TTC7A: variants seen among roughly 807,000 people sequenced by gnomAD.
TTC7A encodes the protein tetratricopeptide repeat protein 7A.
In TTC7A, 110 loss-of-function variants were observed where a neutral mutation model predicts 103.7. The ratio of observed to expected loss-of-function variants is 1.06; its 90% CI spans 0.91 to 1.24. The LOEUF is 1.24. Among genes scored for constraint, TTC7A ranks in the 50% most tolerant of loss-of-function variants. TTC7A has a pLI of 0.00. For missense variants in TTC7A, 1,340 were observed against 1,116.3 expected (o/e 1.20, Z -2.86); for synonymous variants, 521 against 467.9 (o/e 1.11, Z -1.47).
intron 4 of TTC7A, among the ~76,000 whole-genome samples, chr2:46,976,629 A>G (rs922288418): frequency 5.3e-5 from 8 of 152,208 alleles, no homozygotes; most frequent in African/African-American, 7.2e-5. Flanking sequence ...CTCAACCTCA[A>G]TGCTGTTGAC....
At chr2:47,002,748 C>A (rs544544365) in intron 8 of TTC7A, among the ~76,000 whole-genome samples, 1 of 152,166 alleles carries the variant, frequency 6.6e-6, no homozygotes, top group Non-Finnish European at 1.5e-5. Flanking sequence ...CCATTTCCCC[C>A]TACCCCTCCC....
At chr2:46,994,193 G>A (rs1227798881) in intron 6 of TTC7A, 164 bp from the exon 7 acceptor site, 4 of 760,040 alleles carry the variant, frequency 5.3e-6, no homozygotes, top group Non-Finnish European at 8.5e-6. Flanking sequence ...TGGAGGGACT[G>A]AAGGAGCAAG....
rs369874267 is a variant in TTC7A, at chr2:46,919,457, C to T, written c.82+2180C>T. 2.6e-5 allele frequency among the ~76,000 whole-genome samples: 4 copies of T among 152,322 alleles called. No individual in the cohort carries two copies. The South Asian group carries it at 6.2e-4, about 24-fold the overall frequency. ...CTGAAGCAGGAGAATTGCTTGAACCCGGGCAGCAGAGGTTGAGGTGAGCTG... is the reference window on the plus strand; with the variant it reads ...CTGAAGCAGGAGAATTGCTTGAACCTGGGCAGCAGAGGTTGAGGTGAGCTG... On this transcript the variant is annotated intron_variant, in intron 2 of 20. Coordinates refer to the TTC7A transcript ENST00000409245.
chr2:46,978,984 C>T, intron 5 of TTC7A, 77 bp downstream of exon 5: 2 of 975,668 alleles, frequency 2.0e-6, no homozygotes, highest in South Asian at 1.4e-5. Flanking sequence ...TAAGGCTGCT[C>T]TCCCTCTTCT....
intron 2 of TTC7A, among the ~76,000 whole-genome samples, chr2:46,921,394 C>A (rs1669095247): frequency 6.6e-6 from 1 of 152,000 alleles, no homozygotes; most frequent in Non-Finnish European, 1.5e-5. Flanking sequence ...CTTAAAATAC[C>A]ATTATAATAG....
At chr2:46,930,424 C>T (rs991526197) in intron 2 of TTC7A, among the ~76,000 whole-genome samples, 2 of 137,826 alleles carry the variant, frequency 1.5e-5, no homozygotes, top group Non-Finnish European at 1.6e-5. Flanking sequence ...CTAGATGAAA[C>T]GTATTCCTAG....
At chr2:47,043,005 C>T (rs55730127) in intron 15 of TTC7A, among the ~76,000 whole-genome samples, 6 of 152,170 alleles carry the variant, frequency 3.9e-5, no homozygotes, top group South Asian at 2.1e-4. Flanking sequence ...GCCACAGCTT[C>T]GATTCCCCCT....
Position 47,037,525 on chromosome 2 carries a change from A to T in TTC7A, c.1802+8141A>T, listed in dbSNP as rs574902547. Among the ~76,000 whole-genome samples, 27 of 152,334 alleles carry T rather than the reference A, an allele frequency of 1.8e-4. 1 individual carries two copies. Among genetic ancestry groups the T allele is most frequent in the African/African-American group, 6.5e-4 (27 of 41,564 alleles). On this transcript the variant is annotated intron_variant, in intron 15 of 19. Coordinates refer to ENST00000319190, the MANE Select transcript of TTC7A (RefSeq NM_020458.4). ...ATGAAGAAACTAATGTGAAAGTTAG[A>T]TGATAGCTCAAGATCACATAGCTGA...
rs753987188 is a variant in TTC7A at position 46,956,983 on chromosome 2, C to T, written c.493C>T (p.Leu165=). ...CAAGCCCCTGTATCAGATGCGGCTG[C>T]TGTCGGAGGCTTTTGTCATCAAAGG... The part of the protein sequence containing the change: ...ENKPLYQMRL[L]SEAFVIKGLS... The change falls in exon 3 of 20, where the codon CTG becomes TTG. Residue 165 remains leucine (L), a synonymous_variant. Coordinates refer to ENST00000319190, the MANE Select transcript of TTC7A (RefSeq NM_020458.4). The T allele has an allele frequency of 6.2e-7, 1 of 1,614,026 alleles. No individual in the cohort carries two copies. Among genetic ancestry groups the T allele is most frequent in the Admixed American group, 1.7e-5 (1 of 59,996 alleles).
chr2:46,993,382 T>G (rs1243992592), intron 5 of TTC7A, 68 bp from the exon 6 acceptor site: 1 of 1,464,936 alleles, frequency 6.8e-7, no homozygotes. Flanking sequence ...GGTCTGCTGG[T>G]GTGCTGAGAG....
At chr2:46,990,696 A>T (rs1675533901) in intron 5 of TTC7A, among the ~76,000 whole-genome samples, 1 of 152,174 alleles carries the variant, frequency 6.6e-6, no homozygotes, top group Admixed American at 6.5e-5. Context: ...GGACTTAGGG[A>T]GGCTGCCTCA....
chr2:47,058,676 C>T lies in TTC7A; in HGVS notation c.2153-2093C>T, dbSNP rs1249034360. Among the ~76,000 whole-genome samples, 3 of 152,252 alleles carry T rather than the reference C, an allele frequency of 2.0e-5. No homozygotes were observed. In the East Asian group the frequency reaches 5.8e-4, roughly 29 times the overall value. On this transcript the variant is annotated intron_variant, in intron 18 of 19. Coordinates refer to ENST00000319190, the MANE Select transcript of TTC7A (RefSeq NM_020458.4). ...TCCTTCTGTGCCTTCAGCATAGGCT[C>T]AGCCCCAGGAGTGGGCAGCCAAGCC...
chr2:47,063,219 C>A (rs762202721), intron 19 of TTC7A, among the ~76,000 whole-genome samples: 2 of 152,156 alleles, frequency 1.3e-5, no homozygotes, highest in Admixed American at 1.3e-4. Flanking sequence ...TTGCATGCTC[C>A]TGGTGTCCCC....
intron 3 of TTC7A, among the ~76,000 whole-genome samples, chr2:46,972,202 A>T (rs920085034): frequency 6.6e-6 from 1 of 152,116 alleles, no homozygotes; most frequent in Non-Finnish European, 1.5e-5. Context: ...TGTCTTAAAA[A>T]AAAAAAGTAA....
intron 14 of TTC7A, among the ~76,000 whole-genome samples, chr2:47,026,441 GCA>G (rs1289642804): frequency 1.3e-5 from 2 of 152,208 alleles, no homozygotes. Context: ...CCCACAGCCT[GCA>G]CAGAGGCCAG....
chr2:46,930,068 G>C (rs1484462360), intron 2 of TTC7A, among the ~76,000 whole-genome samples: 2 of 152,012 alleles, frequency 1.3e-5, no homozygotes, highest in African/African-American at 2.4e-5. Flanking sequence ...ATTTTGGGGG[G>C]AGTTTTTTAC....
intron 2 of TTC7A, among the ~76,000 whole-genome samples, chr2:46,931,273 A>G (rs924123874): frequency 2.0e-5 from 3 of 152,238 alleles, no homozygotes; most frequent in African/African-American, 4.8e-5. Context: ...TTAAATATAG[A>G]CAGGGTCTGG....
At chr2:46,923,793 C>T (rs1669236561) in intron 2 of TTC7A, among the ~76,000 whole-genome samples, 3 of 151,986 alleles carry the variant, frequency 2.0e-5, no homozygotes, top group Middle Eastern at 3.4e-3. Flanking sequence ...AGTGCAATGG[C>T]GCCATCTCAG....
chr2:46,984,585 C>A (rs1674814452), intron 5 of TTC7A, among the ~76,000 whole-genome samples: 1 of 152,222 alleles, frequency 6.6e-6, no homozygotes, highest in African/African-American at 2.4e-5. Context: ...GCTCCCCTTC[C>A]CCACAACTGA....
Sources: gnomAD v4.1 joint callset for allele counts (sites outside exome capture counted in the v4.1 genomes callset) on GRCh38, gnomAD v4.1.1 for gene constraint, MANE v1.5 for transcripts, NCBI Gene and HGNC (gene_info 2026-07-23, HGNC 2026-07-21) for gene names.